CALN1: variants seen among roughly 807,000 people sequenced by gnomAD.
CALN1 encodes the protein calneuron 1.
A neutral mutation model predicts 30.6 loss-of-function variants in CALN1; 17 were observed. The observed-to-expected ratio is 0.56, with a 90% confidence interval of 0.38 to 0.83. The LOEUF (loss-of-function observed/expected upper bound fraction) is 0.83, where lower values mean the gene tolerates loss of function less well. Ranked by LOEUF, CALN1 falls within the 40% of genes least tolerant of loss-of-function variation. CALN1 has a pLI of 0.00. For missense variants in CALN1, 291 were observed against 354.9 expected, an observed-to-expected ratio of 0.82 and a Z score of 1.45; for synonymous variants, 156 against 131.4, an observed-to-expected ratio of 1.19 and a Z score of -1.28.
intron 5 of CALN1, among the ~76,000 whole-genome samples, chr7:71,822,633 C>G (rs1356508967): frequency 6.6e-6 from 1 of 152,146 alleles, no homozygotes; most frequent in East Asian, 1.9e-4. Flanking sequence ...GGATGTTTTT[C>G]CATTTGTGTA....
intron 2 of CALN1, among the ~76,000 whole-genome samples, chr7:72,308,397 G>A (rs947813129): frequency 7.4e-6 from 1 of 134,810 alleles, no homozygotes; most frequent in Non-Finnish European, 1.6e-5. Flanking sequence ...GAGAGAGAGA[G>A]AGAGAGAGGA....
chr7:72,326,016 C>A (rs774002582), intron 2 of CALN1, among the ~76,000 whole-genome samples: 2 of 152,274 alleles, frequency 1.3e-5, no homozygotes, highest in East Asian at 3.9e-4. Context: ...ATTCTCCTGC[C>A]TCAAGCCTTC....
chr7:72,429,974 C>T (rs1044597923), intron 1 of CALN1, among the ~76,000 whole-genome samples: 3 of 150,554 alleles, frequency 2.0e-5, no homozygotes, highest in African/African-American at 7.3e-5. Flanking sequence ...CACCTGCCAC[C>T]ATGCCCAGCT....
chr7:72,185,833 A>G (rs936538449), intron 3 of CALN1, among the ~76,000 whole-genome samples: 10 of 152,222 alleles, frequency 6.6e-5, no homozygotes, highest in Non-Finnish European at 1.3e-4. Flanking sequence ...CATGGAAGAC[A>G]TGATTTGCTC....
chr7:71,971,063 G>A (rs1341995295), intron 5 of CALN1, among the ~76,000 whole-genome samples: 2 of 152,198 alleles, frequency 1.3e-5, no homozygotes, highest in Non-Finnish European at 2.9e-5. Flanking sequence ...CAATATGACT[G>A]AGAATTACAG....
At chr7:72,107,595 A>C (rs1807265361) in intron 3 of CALN1, among the ~76,000 whole-genome samples, 3 of 152,144 alleles carry the variant, frequency 2.0e-5, no homozygotes, top group African/African-American at 7.2e-5. Context: ...TTGGATGTAT[A>C]ACACAAGGAA....
chr7:72,074,224 G>C (rs1172716843), intron 4 of CALN1, among the ~76,000 whole-genome samples: 6 of 152,176 alleles, frequency 3.9e-5, no homozygotes, highest in Non-Finnish European at 8.8e-5. Context: ...AAAAGATCAT[G>C]TTTTGGGTTC....
rs1450048041 is a variant in CALN1 at position 71,922,889 on chromosome 7, AATATATATGT to A, written c.501+100758_501+100767del. 1.5e-3 allele frequency among the ~76,000 whole-genome samples: 151 copies of A among 100,978 alleles called. 1 individual carries two copies. The highest frequency in any genetic ancestry group is 2.6e-3 in the Admixed American group (28 of 10,710). The allele number at this position is 100,978 out of a possible 152,430, so 66.2% of individuals were successfully genotyped here. ...ATATTAATATATAAACATATATATTAATATATATGTATATATTTGTATATAAGCATATACA... is the reference window on the plus strand; with the variant it reads ...ATATTAATATATAAACATATATATTAATATATTTGTATATAAGCATATACA... On this transcript the variant is annotated intron_variant, in intron 5 of 6. Coordinates refer to ENST00000395275, the MANE Select transcript of CALN1 (RefSeq NM_031468.4).
chr7:72,437,846 CCCTT>C (rs1237084201), intron 1 of CALN1, among the ~76,000 whole-genome samples: 2 of 141,840 alleles, frequency 1.4e-5, no homozygotes, highest in South Asian at 2.3e-4. Context: ...CTTCCATCCT[CCCTT>C]CCTTCCTTCT....
chr7:71,834,972 T>C (rs902007207), intron 5 of CALN1, among the ~76,000 whole-genome samples: 1 of 152,146 alleles, frequency 6.6e-6, no homozygotes, highest in African/African-American at 2.4e-5. Context: ...GTTGGGACTA[T>C]GGGTGCACAT....
intron 5 of CALN1, among the ~76,000 whole-genome samples, chr7:71,914,702 G>C (rs563120291): frequency 6.6e-6 from 1 of 151,634 alleles, no homozygotes; most frequent in African/African-American, 2.4e-5. Context: ...AAACTTGCCA[G>C]CATCTGTTAT....
rs1003183296 is a variant in CALN1 at position 72,421,344 on chromosome 7, T to G, written c.-225-9069A>C. Among the ~76,000 whole-genome samples, 21 of 152,202 alleles carry G rather than the reference T, an allele frequency of 1.4e-4. 1 individual carries two copies. The highest frequency in any genetic ancestry group is 3.4e-3 in the Middle Eastern group (1 of 294). The stretch of plus-strand genomic sequence containing the variant: ...TCTATCCTCACAGCTTAGCTATGAG[T>G]GAAATAACTCAGGAATGGAAAACCG... On this transcript the variant is annotated intron_variant, in intron 1 of 6. Transcript: ENST00000395276.
In CALN1 at chr7:71,868,227, C is replaced by T. The variant is rs551985592; in HGVS notation, c.502-57735G>A. 9.2e-5 allele frequency among the ~76,000 whole-genome samples: 14 copies of T among 152,206 alleles called. No individual in the cohort carries two copies. The East Asian group carries it at 2.7e-3, about 29-fold the overall frequency. On this transcript the variant is annotated intron_variant, in intron 5 of 6. Transcript: ENST00000395275. The stretch of plus-strand genomic sequence containing the variant: ...ATAAAGAAAAGAAGTTTCATTGGCT[C>T]ACAGTTCCATGGGCTATATAGGAAG...
chr7:72,081,660 G>A (rs1334149356), intron 4 of CALN1, among the ~76,000 whole-genome samples: 3 of 151,678 alleles, frequency 2.0e-5, no homozygotes, highest in Non-Finnish European at 4.4e-5. Flanking sequence ...AGGCTCACGT[G>A]ATCCTCCTGT....
intron 5 of CALN1, among the ~76,000 whole-genome samples, chr7:72,015,328 TAGAAAC>T (rs1800314017): frequency 6.6e-6 from 1 of 152,208 alleles, no homozygotes; most frequent in Non-Finnish European, 1.5e-5. Context: ...AGAGGGCTAA[TAGAAAC>T]AGATTGCTGG....
chr7:71,918,354 A>T (rs1794783063), intron 5 of CALN1, among the ~76,000 whole-genome samples: 1 of 152,200 alleles, frequency 6.6e-6, no homozygotes, highest in South Asian at 2.1e-4. Context: ...GTGAATCAGG[A>T]TTTCTCAATA....
At chr7:72,088,623 C>T (rs1283672618) in intron 4 of CALN1, among the ~76,000 whole-genome samples, 3 of 150,678 alleles carry the variant, frequency 2.0e-5, no homozygotes, top group Non-Finnish European at 4.4e-5. Flanking sequence ...CACTTGAACC[C>T]AGGAGGTGGA....
chr7:72,339,000 G>C (rs555904525), intron 2 of CALN1, among the ~76,000 whole-genome samples: 1 of 138,990 alleles, frequency 7.2e-6, no homozygotes, highest in Non-Finnish European at 1.5e-5. Context: ...GTAACCACTG[G>C]TAGATTCTCT....
intron 5 of CALN1, among the ~76,000 whole-genome samples, chr7:71,896,752 A>G (rs1793553588): frequency 6.6e-6 from 1 of 152,094 alleles, no homozygotes; most frequent in Non-Finnish European, 1.5e-5. Context: ...CTTTGTTCTG[A>G]GGCAGCCAGA....
Sources: allele counts gnomAD v4.1 joint callset (sites outside exome capture counted in the v4.1 genomes callset), GRCh38; gene constraint gnomAD v4.1.1; transcripts MANE v1.5; gene names NCBI Gene and HGNC (gene_info 2026-07-23, HGNC 2026-07-21).